Variants in FAM83F observed in about 807,000 individuals in gnomAD.
The protein encoded by FAM83F is protein FAM83F.
A neutral mutation model predicts 42.9 loss-of-function variants in FAM83F; 45 were observed. The observed-to-expected ratio is 1.05, with a 90% confidence interval of 0.83 to 1.35. The LOEUF is 1.35. FAM83F is among the 40% of genes most tolerant of loss of function. FAM83F has a pLI of 0.00. For missense variants in FAM83F, 617 were observed against 695.9 expected (o/e 0.89, Z 1.28); for synonymous variants, 306 against 298.3 (o/e 1.03, Z -0.27).
rs1468096950 is a variant in FAM83F at position 40,042,217 on chromosome 22, T to A, written c.*12652T>A. The A allele has an allele frequency of 6.6e-6, 1 of 152,204 alleles. No homozygotes were observed. Among genetic ancestry groups the A allele is most frequent in the Non-Finnish European group, 1.5e-5 (1 of 68,032 alleles). The allele number at this position is 152,204 out of a possible 1,614,324, so 9.4% of individuals were successfully genotyped here. ...CCATCTTATTTGGAAATTATTTTCCTATTCTCAAGTGGGCAAATAGGAGAA... is the reference window on the plus strand; with the variant it reads ...CCATCTTATTTGGAAATTATTTTCCAATTCTCAAGTGGGCAAATAGGAGAA... On this transcript the variant is annotated 3_prime_UTR_variant, in exon 5 of 5. Coordinates refer to ENST00000333407, the MANE Select transcript of FAM83F (RefSeq NM_138435.4).
chr22:40,025,761 A>AC (rs1331690778), intron 4 of FAM83F, among the ~76,000 whole-genome samples: 2 of 152,188 alleles, frequency 1.3e-5, no homozygotes, highest in Non-Finnish European at 2.9e-5. Context: ...TAGAGTCTGT[A>AC]CCACTGGGCA....
rs973815292 is a variant in FAM83F, at chr22:40,040,309, G to C, written c.*10744G>C. 1 of 152,182 alleles carries C rather than the reference G, an allele frequency of 6.6e-6. No homozygotes were observed. The highest frequency in any genetic ancestry group is 2.4e-5 in the African/African-American group (1 of 41,440). 9.4% of individuals were successfully genotyped at this position (152,182 alleles called of 1,614,324 possible). Reference sequence around the variant, plus strand: ...TCAGACCGCCTAGGTTCAACGATGGGTTAGTTAGCCCTTCAGTGCCTCCAT... The same window carrying C: ...TCAGACCGCCTAGGTTCAACGATGGCTTAGTTAGCCCTTCAGTGCCTCCAT... On this transcript the variant is annotated 3_prime_UTR_variant, in exon 5 of 5. Transcript: ENST00000333407.
chr22:40,021,245 A>T lies in FAM83F; in HGVS notation c.780-45A>T. On this transcript the variant is annotated intron_variant, in intron 3 of 4. Coordinates refer to ENST00000333407, the MANE Select transcript of FAM83F (RefSeq NM_138435.4). This position sits in a 1 kb window ranked among gnomAD's most constrained non-coding sequence, Gnocchi z 8.7. ...TGGGGGCGGGGGCAGGGCAAGAGAG[A>T]GGCCTGGGCACATGTGTCTTGCTTT... 6.7e-7 allele frequency: 1 copy of T among 1,489,856 alleles called. No individual in the cohort carries two copies. Among genetic ancestry groups the T allele is most frequent in the Non-Finnish European group, 8.9e-7 (1 of 1,117,746 alleles). The allele number at this position is 1,489,856 out of a possible 1,614,324, so 92.3% of individuals were successfully genotyped here. A position where few individuals can be genotyped will look rare whatever the true frequency, so the allele number is the denominator to read the frequency against.
At chr22:40,017,578 AC>A (rs1444662403) in intron 1 of FAM83F, among the ~76,000 whole-genome samples, 1 of 152,140 alleles carries the variant, frequency 6.6e-6, no homozygotes, top group Non-Finnish European at 1.5e-5. Context: ...TCCTGGGACA[AC>A]CCTTTGAGAT....
intron 4 of FAM83F, among the ~76,000 whole-genome samples, chr22:40,028,294 C>T (rs2067566143): frequency 6.6e-6 from 1 of 152,216 alleles, no homozygotes; most frequent in Non-Finnish European, 1.5e-5. Flanking sequence ...GAGCAGCAGC[C>T]TGTGTGGCAG....
rs2067658667 is a variant in FAM83F at position 40,042,964 on chromosome 22, A to G, written c.*13399A>G. 6.6e-6 allele frequency: 1 copy of G among 152,204 alleles called. No homozygotes were observed. The highest frequency in any genetic ancestry group is 1.5e-5 in the Non-Finnish European group (1 of 68,034). The allele number at this position is 152,204 out of a possible 1,614,324, so 9.4% of individuals were successfully genotyped here. A position where few individuals can be genotyped will look rare whatever the true frequency, so the allele number is the denominator to read the frequency against. Reference sequence around the variant, plus strand: ...GGCTAATATGGGGTATGTGCATACAATTTTAAGGACTCACGTTCTTACAAC... The same window carrying G: ...GGCTAATATGGGGTATGTGCATACAGTTTTAAGGACTCACGTTCTTACAAC... On this transcript the variant is annotated 3_prime_UTR_variant, in exon 5 of 5. Coordinates refer to ENST00000333407, the MANE Select transcript of FAM83F (RefSeq NM_138435.4).
rs1441586169 is a variant in FAM83F, at chr22:40,032,123, G to A, written c.*2558G>A. On this transcript the variant is annotated 3_prime_UTR_variant, in exon 5 of 5. Transcript: ENST00000333407. ...CATTGGAAGGGCTCTAGGAGGAACA[G>A]GATAAGGCAGCACTCTCGGGGCTGG... 6.6e-6 allele frequency: 1 copy of A among 152,374 alleles called. No individual in the cohort carries two copies. The highest frequency in any genetic ancestry group is 2.4e-5 in the African/African-American group (1 of 41,444). The allele number at this position is 152,374 out of a possible 1,614,324, so 9.4% of individuals were successfully genotyped here. A position where few individuals can be genotyped will look rare whatever the true frequency, so the allele number is the denominator to read the frequency against.
In FAM83F at chr22:40,035,771, A is replaced by C. The variant is rs1486491841; in HGVS notation, c.*6206A>C. 6.6e-6 allele frequency: 1 copy of C among 151,950 alleles called. No homozygotes were observed. Among genetic ancestry groups the C allele is most frequent in the African/African-American group, 2.4e-5 (1 of 41,342 alleles). 9.4% of individuals were successfully genotyped at this position (151,950 alleles called of 1,614,324 possible). ...GTCAAATGGGGATGATCTCGAGACG[A>C]CTCTCCAGAGTAACCACGTGAAGCA... On this transcript the variant is annotated 3_prime_UTR_variant, in exon 5 of 5. Transcript: ENST00000333407.
intron 4 of FAM83F, among the ~76,000 whole-genome samples, chr22:40,025,691 A>T (rs1479297774): frequency 6.6e-6 from 1 of 152,164 alleles, no homozygotes; most frequent in Non-Finnish European, 1.5e-5. Context: ...TGACAGAGCG[A>T]GACTCCATCT....
At chr22:40,018,270 G>A (rs1311617028) in intron 1 of FAM83F, among the ~76,000 whole-genome samples, 6 of 152,160 alleles carry the variant, frequency 3.9e-5, no homozygotes, top group African/African-American at 1.2e-4. Context: ...GGCCATCAGC[G>A]CATCCAGGCC....
intron 4 of FAM83F, among the ~76,000 whole-genome samples, chr22:40,028,224 C>T (rs924276637): frequency 6.6e-6 from 1 of 152,216 alleles, no homozygotes; most frequent in African/African-American, 2.4e-5. Context: ...TCCTGAAGAG[C>T]TCGTTCAGTC....
chr22:40,001,344 G>A (rs1013802940), intron 1 of FAM83F, among the ~76,000 whole-genome samples: 21 of 152,120 alleles, frequency 1.4e-4, no homozygotes, highest in Admixed American at 6.5e-4. Flanking sequence ...TTCCTGGATG[G>A]CTTTGAAAAA....
chr22:40,000,899 C>G (rs2067397742), intron 1 of FAM83F, among the ~76,000 whole-genome samples: 2 of 152,222 alleles, frequency 1.3e-5, no homozygotes, highest in Non-Finnish European at 2.9e-5. Context: ...CAGGGACCCA[C>G]AGGCCCCATG....
rs1370326782 is a variant in FAM83F at position 40,037,696 on chromosome 22, G to A, written c.*8131G>A. On this transcript the variant is annotated 3_prime_UTR_variant, in exon 5 of 5. Transcript: ENST00000333407. The stretch of plus-strand genomic sequence containing the variant: ...CCCATCAGGTGCCAAGCCCTGTGCT[G>A]AGATGCCTGCAGAGCCCAGAGTTTT... The A allele has an allele frequency of 6.6e-6, 1 of 152,250 alleles. No individual in the cohort carries two copies. The highest frequency in any genetic ancestry group is 1.5e-5 in the Non-Finnish European group (1 of 68,060). 9.4% of individuals were successfully genotyped at this position (152,250 alleles called of 1,614,324 possible). A position where few individuals can be genotyped will look rare whatever the true frequency, so the allele number is the denominator to read the frequency against.
chr22:40,029,481 A>C (rs1601774509), intron 4 of FAM83F, 35 bp from the exon 5 acceptor site: 1 of 1,595,652 alleles, frequency 6.3e-7, no homozygotes, highest in East Asian at 2.3e-5. Flanking sequence ...CGTTTCACTT[A>C]CATCCTTCCC....
rs1046324916 is a variant in FAM83F, at chr22:40,039,501, T to C, written c.*9936T>C. 1 of 152,236 alleles carries C rather than the reference T, an allele frequency of 6.6e-6. No homozygotes were observed. Among genetic ancestry groups the C allele is most frequent in the African/African-American group, 2.4e-5 (1 of 41,452 alleles). The allele number at this position is 152,236 out of a possible 1,614,324, so 9.4% of individuals were successfully genotyped here. A position where few individuals can be genotyped will look rare whatever the true frequency, so the allele number is the denominator to read the frequency against. On this transcript the variant is annotated 3_prime_UTR_variant, in exon 5 of 5. Transcript: ENST00000333407. ...ATATTCATTTTAGAAACGAGGAAACTGAAGCTTAGATAGTTTGTGTGACTT... is the reference window on the plus strand; with the variant it reads ...ATATTCATTTTAGAAACGAGGAAACCGAAGCTTAGATAGTTTGTGTGACTT...
intron 2 of FAM83F, 71 bp from the exon 3 acceptor site, chr22:40,019,816 C>T: frequency 1.3e-6 from 2 of 1,531,830 alleles, no homozygotes; most frequent in Non-Finnish European, 8.8e-7. Context: ...GGCTCTTCCT[C>T]TGCAGAAGCA....
chr22:40,003,853 C>T (rs1332883023), intron 1 of FAM83F, among the ~76,000 whole-genome samples: 1 of 152,110 alleles, frequency 6.6e-6, no homozygotes, highest in Non-Finnish European at 1.5e-5. Flanking sequence ...CTGCTGGGCT[C>T]CTTGCAGTCC....
chr22:40,019,500 T>C (rs1445987619), intron 2 of FAM83F, among the ~76,000 whole-genome samples, 165 bp downstream of exon 2: 1 of 152,190 alleles, frequency 6.6e-6, no homozygotes, highest in Non-Finnish European at 1.5e-5. Flanking sequence ...AACCTTGGCT[T>C]TACTGTTAAC....
Sources: allele counts gnomAD v4.1 joint callset (sites outside exome capture counted in the v4.1 genomes callset), GRCh38; gene constraint gnomAD v4.1.1; non-coding constraint Gnocchi (gnomAD v3.1); transcripts MANE v1.5; gene names NCBI Gene and HGNC (gene_info 2026-07-23, HGNC 2026-07-21).